The following CTNNA2 variants were observed in gnomAD, a reference collection of about 807,000 sequenced individuals.
The protein encoded by CTNNA2 is catenin alpha 2, also known as catenin alpha-2.
A neutral mutation model predicts 101.0 loss-of-function variants in CTNNA2; 42 were observed. The observed-to-expected ratio is 0.42, with a 90% confidence interval of 0.32 to 0.54. The LOEUF (loss-of-function observed/expected upper bound fraction) is 0.54, where lower values mean the gene tolerates loss of function less well. CTNNA2 is among the 20% of genes least tolerant of loss of function. The pLI is 0.14. For synonymous variants in CTNNA2, 450 were observed against 456.4 expected (o/e 0.99, Z 0.18); for missense variants, 871 against 1,223.1 (o/e 0.71, Z 4.29).
chr2:79,824,446 C>T (rs11902274), intron 3 of CTNNA2, among the ~76,000 whole-genome samples: 75,655 of 151,882 alleles, frequency 0.5, 19,301 homozygotes, highest in African/African-American at 0.62. Flanking sequence ...GATGAGACAT[C>T]AGTTTGAGAA....
intron 3 of CTNNA2, among the ~76,000 whole-genome samples, chr2:79,827,858 A>G (rs74740767): frequency 0.049 from 7,401 of 152,308 alleles, 452 homozygotes; most frequent in African/African-American, 0.14. Flanking sequence ...GTAAATACCA[A>G]CAAAGTTTCC....
At chr2:79,339,817 T>C (rs1472039193) in intron 3 of CTNNA2, 1 of 152,222 alleles carries the variant, frequency 6.6e-6, no homozygotes, top group African/African-American at 2.4e-5. Context: ...CAAGCTCTTA[T>C]CTGAGGATTT....
chr2:80,017,155 C>T (rs567853453), intron 7 of CTNNA2, among the ~76,000 whole-genome samples: 1 of 152,210 alleles, frequency 6.6e-6, no homozygotes, highest in East Asian at 1.9e-4. Flanking sequence ...AATTCCTTTG[C>T]CTAGTGGGTA....
chr2:79,242,993 T>TATATATATACAC (rs1306982182), intron 2 of CTNNA2, among the ~76,000 whole-genome samples: 3 of 116,702 alleles, frequency 2.6e-5, no homozygotes, highest in Non-Finnish European at 5.3e-5. Flanking sequence ...TATATATATA[T>TATATATATACAC]ACACACACAC....
chr2:79,255,099 T>G (rs1674827018), intron 2 of CTNNA2, among the ~76,000 whole-genome samples: 1 of 152,186 alleles, frequency 6.6e-6, no homozygotes, highest in Non-Finnish European at 1.5e-5. Flanking sequence ...TTGGGAAATC[T>G]CTGTATTATA....
intron 7 of CTNNA2, among the ~76,000 whole-genome samples, chr2:80,200,901 G>T (rs547340573): frequency 6.3e-4 from 96 of 151,296 alleles, no homozygotes; most frequent in African/African-American, 2.2e-3. Context: ...TCAGTGTCTT[G>T]GGATGGGATC....
At chr2:80,163,783 T>C (rs188848768) in intron 7 of CTNNA2, among the ~76,000 whole-genome samples, 264 of 152,196 alleles carry the variant, frequency 1.7e-3, no homozygotes, top group African/African-American at 5.7e-3. Context: ...GCTTCACATA[T>C]TTTATAACTC....
At chr2:79,616,836 A>C (rs1678651904) in intron 1 of CTNNA2, among the ~76,000 whole-genome samples, 1 of 152,042 alleles carries the variant, frequency 6.6e-6, no homozygotes, top group African/African-American at 2.4e-5. Context: ...TGCAACCATT[A>C]ATCCTTGTCT....
At chr2:80,424,525 G>A (rs1680823983) in intron 9 of CTNNA2, among the ~76,000 whole-genome samples, 1 of 152,158 alleles carries the variant, frequency 6.6e-6, no homozygotes, top group Non-Finnish European at 1.5e-5. Context: ...TCTGGATAAT[G>A]TGTTCTCCTT....
chr2:79,684,403 G>C (rs1683790427), intron 2 of CTNNA2, among the ~76,000 whole-genome samples: 1 of 152,118 alleles, frequency 6.6e-6, no homozygotes, highest in Admixed American at 6.6e-5. Flanking sequence ...ATGACCTATA[G>C]TGTGAAAAAC....
At chr2:80,532,970 G>GT (rs1301271014) in intron 9 of CTNNA2, among the ~76,000 whole-genome samples, 7 of 152,110 alleles carry the variant, frequency 4.6e-5, no homozygotes, top group African/African-American at 1.7e-4. Flanking sequence ...TTGGAACTAC[G>GT]TTTATAGCTA....
intron 7 of CTNNA2, among the ~76,000 whole-genome samples, chr2:80,246,650 T>A (rs1050568005): frequency 6.6e-6 from 1 of 152,186 alleles, no homozygotes; most frequent in African/African-American, 2.4e-5. Context: ...ACAGGACATG[T>A]CATAAATTTG....
At chr2:79,314,649 C>A (rs909143542) in intron 3 of CTNNA2, among the ~76,000 whole-genome samples, 6 of 152,228 alleles carry the variant, frequency 3.9e-5, no homozygotes, top group African/African-American at 1.4e-4. Flanking sequence ...TTCTATTGAC[C>A]AATTTTCATT....
chr2:80,525,082 G>T (rs75031115), intron 9 of CTNNA2, among the ~76,000 whole-genome samples: 7,282 of 152,028 alleles, frequency 0.048, 256 homozygotes, highest in East Asian at 0.16. Flanking sequence ...AGAAGCTTAT[G>T]TGGTGATTAA....
intron 8 of CTNNA2, among the ~76,000 whole-genome samples, chr2:80,408,173 G>A (rs1679236830): frequency 6.6e-6 from 1 of 152,082 alleles, no homozygotes; most frequent in Admixed American, 6.5e-5. Context: ...TTTTGTCTGG[G>A]TTCCTCCCCA....
intron 7 of CTNNA2, among the ~76,000 whole-genome samples, chr2:80,069,399 C>T (rs765687052): frequency 2.6e-4 from 40 of 152,122 alleles, no homozygotes; most frequent in African/African-American, 8.0e-4. Context: ...ACAAATCTAC[C>T]GCTTGTCAGC....
intron 6 of CTNNA2, among the ~76,000 whole-genome samples, chr2:79,902,402 T>C (rs943665439): frequency 2.0e-5 from 3 of 152,126 alleles, no homozygotes; most frequent in Non-Finnish European, 4.4e-5. Context: ...TGCTTTGCAT[T>C]TCTTGTTATT....
At chr2:80,157,262 T>C (rs909050452) in intron 7 of CTNNA2, among the ~76,000 whole-genome samples, 2 of 152,176 alleles carry the variant, frequency 1.3e-5, no homozygotes, top group African/African-American at 4.8e-5. Flanking sequence ...GCTCCTACCT[T>C]TCTCACCACT....
intron 6 of CTNNA2, among the ~76,000 whole-genome samples, chr2:79,906,639 T>C (rs1261676025): frequency 6.6e-6 from 1 of 152,196 alleles, no homozygotes; most frequent in Non-Finnish European, 1.5e-5. Context: ...GTTTCAGGCT[T>C]TTACTTTCAC....
Sources: gnomAD v4.1 joint callset for allele counts (sites outside exome capture counted in the v4.1 genomes callset) on GRCh38, gnomAD v4.1.1 for gene constraint, MANE v1.5 for transcripts, NCBI Gene and HGNC (gene_info 2026-07-23, HGNC 2026-07-21) for gene names.